PABPC1: variants seen among roughly 807,000 people sequenced by gnomAD.
PABPC1 encodes poly(A) binding protein cytoplasmic 1.
In PABPC1, 4 loss-of-function variants were observed where a neutral mutation model predicts 74.0. That is an observed-to-expected ratio of 0.05 (90% CI 0.03 to 0.12). PABPC1 has a LOEUF of 0.12. PABPC1 is among the 10% of genes least tolerant of loss of function. The probability of loss-of-function intolerance (pLI) is 1.00; values close to 1 mark genes in which losing one functional copy is unlikely to be tolerated. For synonymous variants in PABPC1, 227 were observed against 264.1 expected (o/e 0.86, Z 1.36); for missense variants, 271 against 821.1 (o/e 0.33, Z 8.19).
In PABPC1 at chr8:100,715,605, A is replaced by G. The variant is rs376835780; in HGVS notation, c.504-4T>C. 2.8e-5 allele frequency: 45 copies of G among 1,600,150 alleles called. No homozygotes were observed. Among genetic ancestry groups the G allele is most frequent in the East Asian group, 1.6e-4 (7 of 44,772 alleles). On this transcript the variant is annotated splice_region_variant and splice_polypyrimidine_tract_variant and intron_variant, in intron 3 of 14. Transcript: ENST00000318607. ...AGACTTAAATCGTCCAACAAATCTA[A>G]TAAGATATACAAGGACTATAACATT...
chr8:100,703,368 G>A lies in PABPC1; in HGVS notation c.*2-9C>T, dbSNP rs554178117. On this transcript the variant is annotated splice_polypyrimidine_tract_variant and intron_variant, in intron 14 of 14. Coordinates refer to ENST00000318607, the MANE Select transcript of PABPC1 (RefSeq NM_002568.4). ...CATGGTCCCTGATCAATCTGTAAAT[G>A]TTAAAAAAACAAATTAAGACCAGGA... 5.2e-5 allele frequency: 8 copies of A among 154,184 alleles called. No homozygotes were observed. The highest frequency in any genetic ancestry group is 4.2e-4 in the South Asian group (2 of 4,790). 9.6% of individuals were successfully genotyped at this position (154,184 alleles called of 1,614,324 possible). A position where few individuals can be genotyped will look rare whatever the true frequency, so the allele number is the denominator to read the frequency against.
intron 4 of PABPC1, among the ~76,000 whole-genome samples, chr8:100,714,496 C>T (rs986564619): frequency 3.9e-5 from 6 of 152,008 alleles, no homozygotes; most frequent in South Asian, 2.1e-4. Context: ...TTTGGGAGGC[C>T]GAGGTGGCTG....
chr8:100,709,079 A>C (rs2129694539), intron 9 of PABPC1, 54 bp downstream of exon 9: 2 of 1,300,654 alleles, frequency 1.5e-6, no homozygotes, highest in South Asian at 2.4e-5. Context: ...TGATTTACCC[A>C]ATGTGTTATT....
intron 1 of PABPC1, among the ~76,000 whole-genome samples, chr8:100,719,338 A>C (rs962305288): frequency 6.6e-6 from 1 of 151,846 alleles, no homozygotes; most frequent in African/African-American, 2.4e-5. Context: ...ATATAGTGAT[A>C]ATCAGCTGTT....
At chr8:100,714,356 A>G (rs925468082) in intron 4 of PABPC1, among the ~76,000 whole-genome samples, 2 of 152,208 alleles carry the variant, frequency 1.3e-5, no homozygotes, top group Non-Finnish European at 2.9e-5. Flanking sequence ...TCTATGTTTT[A>G]TATCATCTAT....
intron 4 of PABPC1, among the ~76,000 whole-genome samples, 191 bp from the exon 5 acceptor site, chr8:100,713,372 C>T (rs1323828806): frequency 6.6e-6 from 1 of 152,170 alleles, no homozygotes; most frequent in African/African-American, 2.4e-5. Flanking sequence ...AAGGTAAACA[C>T]CTTCCCTCCC....
At chr8:100,705,444 G>A in intron 12 of PABPC1, 145 bp downstream of exon 12, 2 of 711,548 alleles carry the variant, frequency 2.8e-6, no homozygotes, top group Non-Finnish European at 5.2e-6. Flanking sequence ...GTTTTAATTA[G>A]GCAGACCAAC....
At chr8:100,712,872 G>A in intron 5 of PABPC1, 83 bp from the exon 6 acceptor site, 1 of 1,433,428 alleles carries the variant, frequency 7.0e-7, no homozygotes, top group East Asian at 2.4e-5. Flanking sequence ...AGACAAATTT[G>A]TTAAGTCACA....
At chr8:100,715,084 T>C (rs534417384) in intron 4 of PABPC1, among the ~76,000 whole-genome samples, 153 of 151,720 alleles carry the variant, frequency 1.0e-3, no homozygotes, top group African/African-American at 3.6e-3. Context: ...AGGCTGGCTG[T>C]GTCAAATATA....
chr8:100,710,173 T>TA (rs1435693803), intron 7 of PABPC1, among the ~76,000 whole-genome samples: 3 of 152,300 alleles, frequency 2.0e-5, no homozygotes, highest in Non-Finnish European at 4.4e-5. Context: ...AGTTGAATCT[T>TA]ACAATACCCA....
intron 7 of PABPC1, among the ~76,000 whole-genome samples, chr8:100,712,001 G>T (rs953366849): frequency 2.6e-5 from 4 of 152,198 alleles, no homozygotes; most frequent in Admixed American, 2.0e-4. Context: ...TTACTGCTAG[G>T]GGGCAGGGGA....
chr8:100,709,350 T>C (rs1810469406), intron 8 of PABPC1, 109 bp downstream of exon 8: 1 of 1,479,412 alleles, frequency 6.8e-7, no homozygotes, highest in Admixed American at 1.7e-5. Context: ...TACTCAATCA[T>C]AATTCCCCTT....
At chr8:100,709,031 G>A in intron 9 of PABPC1, 102 bp downstream of exon 9, 1 of 898,512 alleles carries the variant, frequency 1.1e-6, no homozygotes, top group African/African-American at 1.7e-5. Flanking sequence ...CAAATTATGT[G>A]AAATGCAATA....
intron 4 of PABPC1, among the ~76,000 whole-genome samples, chr8:100,715,136 CACACACACACACACACACACACAT>C (rs1324967966): frequency 3.2e-5 from 4 of 125,630 alleles, no homozygotes; most frequent in East Asian, 2.3e-4. Flanking sequence ...CACACACACA[CACACACACACACACACACACACAT>C]ATATATCTCC....
chr8:100,718,387 G>C (rs1052986963), intron 1 of PABPC1, 107 bp from the exon 2 acceptor site: 2 of 823,200 alleles, frequency 2.4e-6, no homozygotes, highest in Admixed American at 5.6e-5. Context: ...TGGTCTCACA[G>C]TTGAACGCTT....
chr8:100,708,513 T>C (rs2129690365), intron 9 of PABPC1, among the ~76,000 whole-genome samples: 1 of 152,230 alleles, frequency 6.6e-6, no homozygotes, highest in Non-Finnish European at 1.5e-5. Context: ...GGACAAGACA[T>C]AAAATACCAC....
chr8:100,711,296 A>AC (rs1026798797), intron 7 of PABPC1, among the ~76,000 whole-genome samples: 1 of 151,984 alleles, frequency 6.6e-6, no homozygotes, highest in Non-Finnish European at 1.5e-5. Flanking sequence ...CAAAAAAAAA[A>AC]CACCTCATAA....
At position 100,715,376 on chromosome 8, in the gene PABPC1, CTTT is replaced by C. The variant is rs1810642886; in HGVS notation, c.643+83_643+85del. The C allele has an allele frequency of 6.5e-6, 8 of 1,230,996 alleles. No homozygotes were observed. In the South Asian group the frequency reaches 6.9e-5, roughly 11 times the overall value. 76.3% of individuals were successfully genotyped at this position (1,230,996 alleles called of 1,614,324 possible). A position where few individuals can be genotyped will look rare whatever the true frequency, so the allele number is the denominator to read the frequency against. On this transcript the variant is annotated intron_variant, in intron 4 of 14. Transcript: ENST00000318607. ...TACCATGTAAGTCTAATTTTATTGA[CTTT>C]TTTAGTATAAAGTAATAGCTAAAAT...
chr8:100,705,912 A>C (rs931127411), intron 11 of PABPC1, among the ~76,000 whole-genome samples: 3 of 152,210 alleles, frequency 2.0e-5, no homozygotes, highest in Non-Finnish European at 4.4e-5. Context: ...GCAACGGCAC[A>C]ATCTTGGCTC....
Sources: allele counts gnomAD v4.1 joint callset (sites outside exome capture counted in the v4.1 genomes callset), GRCh38; gene constraint gnomAD v4.1.1; transcripts MANE v1.5; gene names NCBI Gene and HGNC (gene_info 2026-07-23, HGNC 2026-07-21).